Variants in NWD1 observed in about 807,000 individuals in gnomAD.
NWD1 encodes the protein NACHT domain- and WD repeat-containing protein 1.
Under a neutral mutation model 135.1 loss-of-function variants are expected in NWD1, and 129 were observed. The ratio of observed to expected loss-of-function variants is 0.96; its 90% confidence interval spans 0.83 to 1.11. The LOEUF is 1.11. NWD1 is among the 50% of genes least tolerant of loss of function. The pLI is 0.00. For missense variants in NWD1, 1,740 were observed against 1,851.3 expected, an observed-to-expected ratio of 0.94 and a Z score of 1.10; for synonymous variants, 773 against 786.0, an observed-to-expected ratio of 0.98 and a Z score of 0.28.
At position 16,791,485 on chromosome 19, in the gene NWD1, C is replaced by T; in HGVS notation, c.3076C>T (p.Leu1026=). 1 of 1,614,192 alleles carries T rather than the reference C, an allele frequency of 6.2e-7. No individual in the cohort carries two copies. Among genetic ancestry groups the T allele is most frequent in the East Asian group, 2.2e-5 (1 of 44,878 alleles). Residue 1026 remains leucine (L), a synonymous_variant, in exon 14 of 19, where the codon CTG becomes TTG. Coordinates refer to ENST00000524140, the MANE Select transcript of NWD1 (RefSeq NM_001007525.5). ...LTVSRDGVVS[L]WSSATGKLQG... is the part of the protein sequence containing the mutation. Reference sequence around the variant, plus strand: ...AGTGTCCAGGGATGGTGTGGTCAGTCTGTGGAGCTCAGCTACGGGAAAACT... The same window carrying T: ...AGTGTCCAGGGATGGTGTGGTCAGTTTGTGGAGCTCAGCTACGGGAAAACT...
At chr19:16,770,355 C>T (rs1004155716) in intron 10 of NWD1, among the ~76,000 whole-genome samples, 1 of 152,146 alleles carries the variant, frequency 6.6e-6, no homozygotes, top group Non-Finnish European at 1.5e-5. Context: ...TCTCTCCTCC[C>T]GCCTTGTGAA....
intron 14 of NWD1, among the ~76,000 whole-genome samples, chr19:16,793,933 C>T (rs1388569301): frequency 6.6e-6 from 1 of 152,008 alleles, no homozygotes; most frequent in African/African-American, 2.4e-5. Context: ...AGTCTGTCAC[C>T]CTGGCTGCAA....
chr19:16,770,905 A>T (rs1212492513), intron 10 of NWD1, among the ~76,000 whole-genome samples: 1 of 152,196 alleles, frequency 6.6e-6, no homozygotes, highest in Non-Finnish European at 1.5e-5. Context: ...GCAATCATTT[A>T]TGCCTTTCTT....
chr19:16,760,480 G>C (rs1053328306), intron 7 of NWD1, among the ~76,000 whole-genome samples: 6 of 151,744 alleles, frequency 4.0e-5, no homozygotes, highest in Non-Finnish European at 8.8e-5. Context: ...GGCTGGTCTC[G>C]AGCTCCTGGG....
rs1438285595 is a variant in NWD1, at chr19:16,817,632, C to A, written c.*2593C>A. 6.7e-6 allele frequency: 1 copy of A among 148,836 alleles called. No individual in the cohort carries two copies. Among genetic ancestry groups the A allele is most frequent in the Non-Finnish European group, 1.5e-5 (1 of 67,350 alleles). The allele number at this position is 148,836 out of a possible 1,614,324, so 9.2% of individuals were successfully genotyped here. On this transcript the variant is annotated 3_prime_UTR_variant, in exon 19 of 19. Coordinates refer to ENST00000524140, the MANE Select transcript of NWD1 (RefSeq NM_001007525.5). ...AAAAAAAAAAAAGTAATGGCAAAAACCACAATTAATTTTGCATCAACCTAA... is the reference window on the plus strand; with the variant it reads ...AAAAAAAAAAAAGTAATGGCAAAAAACACAATTAATTTTGCATCAACCTAA...
intron 18 of NWD1, 68 bp downstream of exon 18, chr19:16,808,204 T>C: frequency 2.1e-6 from 3 of 1,435,232 alleles, no homozygotes; most frequent in Non-Finnish European, 2.9e-6. Context: ...TAGCCATCAT[T>C]TACTAAGCAC....
chr19:16,727,644 T>C (rs1039139871), intron 2 of NWD1: 1 of 152,808 alleles, frequency 6.5e-6, no homozygotes, highest in Non-Finnish European at 1.5e-5. Flanking sequence ...CCCAGCGGTG[T>C]GACCATCTTC....
intron 11 of NWD1, among the ~76,000 whole-genome samples, chr19:16,774,327 T>C (rs565250654): frequency 5.7e-4 from 61 of 106,828 alleles, no homozygotes; most frequent in Middle Eastern, 4.5e-3. Context: ...CACTTTCCTC[T>C]CCATCCATCC....
At chr19:16,732,140 T>C (rs1967594866) in intron 3 of NWD1, among the ~76,000 whole-genome samples, 1 of 150,188 alleles carries the variant, frequency 6.7e-6, no homozygotes, top group Non-Finnish European at 1.5e-5. Flanking sequence ...TCGCCAGAAC[T>C]TGGGAAGCAG....
intron 18 of NWD1, among the ~76,000 whole-genome samples, chr19:16,812,547 T>C (rs917504640): frequency 2.0e-5 from 3 of 151,860 alleles, no homozygotes; most frequent in East Asian, 3.9e-4. Flanking sequence ...CTCATGCCTG[T>C]AATCCTAGCT....
chr19:16,809,648 G>A (rs909692515), intron 18 of NWD1, among the ~76,000 whole-genome samples: 22 of 149,770 alleles, frequency 1.5e-4, no homozygotes, highest in Non-Finnish European at 1.8e-4. Context: ...TCTGCCTCCC[G>A]GGTTTATGCC....
rs759548962 is a variant in NWD1 at position 16,749,460 on chromosome 19, C to T, written c.818C>T (p.Ala273Val). 4 of 1,612,898 alleles carry T rather than the reference C, an allele frequency of 2.5e-6. No homozygotes were observed. The highest frequency in any genetic ancestry group is 3.4e-6 in the Non-Finnish European group (4 of 1,179,008). ...CTGGGTGAGCAGTTTGTGGTGAGGG[C>T]CAATCACCAGGTCCTCACACGCCTC... ...KELGEQFVVR[A>V]NHQVLTRLRE... Residue 273 changes from alanine to valine, a missense_variant, in exon 6 of 19, where the codon GCC (alanine) becomes GTC (valine). By Grantham distance (64) the Ala-to-Val change is moderately conservative. Coordinates refer to ENST00000524140, the MANE Select transcript of NWD1 (RefSeq NM_001007525.5).
chr19:16,807,844 C>T lies in NWD1; in HGVS notation c.3995C>T (p.Pro1332Leu), dbSNP rs1189503192. The change falls in exon 18 of 19, where the codon CCC (proline) becomes CTC (leucine). Residue 1332 changes from proline to leucine, a missense_variant. Transcript: ENST00000524140. ...VLVLDITSGDPCPVIDGPRYT... is the reference protein window; with the variant it reads ...VLVLDITSGDLCPVIDGPRYT... ...GTGCTGGACATCACCTCCGGGGACCCCTGCCCGGTCATCGATGGGCCAAGA... is the reference window on the plus strand; with the variant it reads ...GTGCTGGACATCACCTCCGGGGACCTCTGCCCGGTCATCGATGGGCCAAGA... 1.2e-6 allele frequency: 2 copies of T among 1,614,186 alleles called. No individual in the cohort carries two copies. Among genetic ancestry groups the T allele is most frequent in the Non-Finnish European group, 1.7e-6 (2 of 1,180,032 alleles).
chr19:16,807,857 C>T lies in NWD1; in HGVS notation c.4008C>T (p.Ile1336=), dbSNP rs376902807. ...CCTCCGGGGACCCCTGCCCGGTCAT[C>T]GATGGGCCAAGATACACCTTTTACA... The part of the protein sequence containing the change: ...DITSGDPCPV[I]DGPRYTFYTQ... The change falls in exon 18 of 19, where the codon ATC becomes ATT. Residue 1336 remains isoleucine (I), a synonymous_variant. Transcript: ENST00000524140. 20 of 1,614,204 alleles carry T rather than the reference C, an allele frequency of 1.2e-5. No individual in the cohort carries two copies. The highest frequency in any genetic ancestry group is 1.2e-4 in the Admixed American group (7 of 60,012).
chr19:16,736,642 T>C lies in NWD1; in HGVS notation c.90T>C (p.Asp30=). 1 of 1,532,054 alleles carries C rather than the reference T, an allele frequency of 6.5e-7. No individual in the cohort carries two copies. The allele number at this position is 1,532,054 out of a possible 1,614,324, so 94.9% of individuals were successfully genotyped here. Residue 30 remains aspartate, a synonymous_variant, in exon 4 of 19, where the codon GAT becomes GAC. Transcript: ENST00000524140. ...QRHGLMFEVV[D]LRWGIRNIEA... Reference sequence around the variant, plus strand: ...GTGTTTCTATTTCCCAGGTCGTTGATCTGAGGTGGGGTATTCGGAACATTG... The same window carrying C: ...GTGTTTCTATTTCCCAGGTCGTTGACCTGAGGTGGGGTATTCGGAACATTG...
intron 4 of NWD1, among the ~76,000 whole-genome samples, chr19:16,743,622 A>G (rs998567860): frequency 1.3e-5 from 2 of 152,166 alleles, no homozygotes; most frequent in East Asian, 1.9e-4. Flanking sequence ...TTGAATTGAC[A>G]TAAAATTGAT....
At chr19:16,789,614 G>A (rs1159653540) in intron 13 of NWD1, among the ~76,000 whole-genome samples, 1 of 151,624 alleles carries the variant, frequency 6.6e-6, no homozygotes, top group Non-Finnish European at 1.5e-5. Flanking sequence ...TCTGGATAGG[G>A]TCCTGTTCTG....
chr19:16,720,919 C>T (rs1275137266), intron 1 of NWD1, among the ~76,000 whole-genome samples: 1 of 151,932 alleles, frequency 6.6e-6, no homozygotes, highest in Non-Finnish European at 1.5e-5. Flanking sequence ...GGCACGATCT[C>T]GGCTCACTGC....
intron 12 of NWD1, among the ~76,000 whole-genome samples, chr19:16,780,854 T>G (rs1969829515): frequency 6.6e-6 from 1 of 152,016 alleles, no homozygotes. Flanking sequence ...AGACAGGGTC[T>G]CACTATGTTG....
Sources: allele counts gnomAD v4.1 joint callset (sites outside exome capture counted in the v4.1 genomes callset), GRCh38; gene constraint gnomAD v4.1.1; transcripts MANE v1.5; gene names NCBI Gene and HGNC (gene_info 2026-07-23, HGNC 2026-07-21).